CDH4: variants seen among roughly 807,000 people sequenced by gnomAD.
CDH4 encodes the protein cadherin 4, also known as cadherin-4.
A neutral mutation model predicts 86.0 loss-of-function variants in CDH4; 33 were observed. That is an observed-to-expected ratio of 0.38 (90% CI 0.29 to 0.51). The LOEUF (loss-of-function observed/expected upper bound fraction) is 0.51, where lower values mean the gene tolerates loss of function less well. Among genes scored for constraint, CDH4 ranks in the 20% least tolerant of loss-of-function variants. The probability of loss-of-function intolerance (pLI) is 0.86; values close to 1 mark genes in which losing one functional copy is unlikely to be tolerated. For missense variants in CDH4, 1,114 were observed against 1,307.4 expected (o/e 0.85, Z 2.28); for synonymous variants, 555 against 549.4 (o/e 1.01, Z -0.14).
At chr20:61,701,118 T>G (rs1047728641) in intron 2 of CDH4, among the ~76,000 whole-genome samples, 1 of 152,194 alleles carries the variant, frequency 6.6e-6, no homozygotes, top group Non-Finnish European at 1.5e-5. Flanking sequence ...CTCCTCGGCT[T>G]GCAGGTGCCA....
At chr20:61,337,351 A>G (rs1415729591) in intron 2 of CDH4, among the ~76,000 whole-genome samples, 3 of 292 alleles carry the variant, frequency 0.01, no homozygotes, top group South Asian at 0.083. Flanking sequence ...TGATGATAAC[A>G]ATGGTGATGA....
At chr20:61,364,779 G>A (rs967498572) in intron 2 of CDH4, among the ~76,000 whole-genome samples, 1 of 152,196 alleles carries the variant, frequency 6.6e-6, no homozygotes, top group African/African-American at 2.4e-5. Context: ...GCGATGATGA[G>A]GCTGCCTCAG....
In CDH4 at chr20:61,910,524, C is replaced by T; in HGVS notation, c.1291C>T (p.Arg431Cys). Residue 431 changes from arginine (R) to cysteine (C), a missense_variant, in exon 9 of 16, where the codon CGC (arginine) becomes TGC (cysteine). Coordinates refer to ENST00000614565, the MANE Select transcript of CDH4 (RefSeq NM_001794.5). ...CTCTCCAAACTGGAATGCCGTTTAC[C>T]GCATCATCAGTGGGGATCCATCCGG... ...PHSPNWNAVYRIISGDPSGHF... is the reference protein window; with the variant it reads ...PHSPNWNAVYCIISGDPSGHF... The T allele has an allele frequency of 1.9e-6, 3 of 1,613,952 alleles. No individual in the cohort carries two copies. Among genetic ancestry groups the T allele is most frequent in the African/African-American group, 1.3e-5 (1 of 75,034 alleles).
intron 4 of CDH4, among the ~76,000 whole-genome samples, chr20:61,841,754 A>C (rs546332601): frequency 6.6e-6 from 1 of 151,518 alleles, no homozygotes; most frequent in Non-Finnish European, 1.5e-5. Flanking sequence ...TGTGCACAGG[A>C]GTGTGTGTGT....
chr20:61,768,641 C>T (rs1056842029), intron 3 of CDH4, among the ~76,000 whole-genome samples: 3 of 152,140 alleles, frequency 2.0e-5, no homozygotes, highest in African/African-American at 7.2e-5. Flanking sequence ...TGAATGGGCC[C>T]AAGATGACTG....
chr20:61,579,720 G>T (rs542342971), intron 2 of CDH4, among the ~76,000 whole-genome samples: 2 of 152,104 alleles, frequency 1.3e-5, no homozygotes, highest in African/African-American at 4.8e-5. Flanking sequence ...GTAGGCACCC[G>T]ATGAATACTT....
chr20:61,363,338 G>A (rs538745612), intron 2 of CDH4, among the ~76,000 whole-genome samples: 2 of 152,004 alleles, frequency 1.3e-5, no homozygotes, highest in South Asian at 2.1e-4. Context: ...GGGATATAAC[G>A]GCCAGGAAAA....
intron 4 of CDH4, among the ~76,000 whole-genome samples, chr20:61,796,526 G>A (rs780166745): frequency 1.3e-5 from 2 of 152,224 alleles, no homozygotes; most frequent in Non-Finnish European, 2.9e-5. Flanking sequence ...GGTCCTGCTT[G>A]CCATCCTCCC....
At chr20:61,344,280 ACTGGGGTCACACAAGGGGG>A (rs1392669435) in intron 2 of CDH4, among the ~76,000 whole-genome samples, 3 of 152,048 alleles carry the variant, frequency 2.0e-5, no homozygotes, top group Non-Finnish European at 4.4e-5. Context: ...CTTTGCTTCC[ACTGGGGTCACACAAGGGGG>A]CTGTACATGG....
chr20:61,708,120 A>G lies in CDH4; in HGVS notation c.170-35443A>G, dbSNP rs374690078. Among the ~76,000 whole-genome samples the G allele has an allele frequency of 9.1e-4, 138 of 152,260 alleles. 2 individuals are homozygous for G. In the South Asian group the frequency reaches 0.028, roughly 30 times the overall value. ...CGGGCTGTGGCGCGTCTCCCTGGGC[A>G]TAGCCATCACCCAGCACAGCAGTGG... On this transcript the variant is annotated intron_variant, in intron 2 of 15. Transcript: ENST00000614565. This position sits in a 1 kb window ranked among gnomAD's most constrained non-coding sequence, Gnocchi z 4.5.
At position 61,933,032 on chromosome 20, in the gene CDH4, C is replaced by T. The variant is rs745771823; in HGVS notation, c.2287C>T (p.Arg763Cys). 1.6e-5 allele frequency: 26 copies of T among 1,613,304 alleles called. No homozygotes were observed. Among genetic ancestry groups the T allele is most frequent in the South Asian group, 1.1e-4 (10 of 91,092 alleles). The change falls in exon 14 of 16, where the codon CGC becomes TGC. Residue 763 changes from arginine to cysteine, a missense_variant. By Grantham distance (180) the Arg-to-Cys change is radical. This residue lies in a region of CDH4 where 705 missense variants were observed against 914.1 expected (regional missense o/e 0.77). Coordinates refer to ENST00000614565, the MANE Select transcript of CDH4 (RefSeq NM_001794.5). ...GTGGATGAAGCGGCGAGAGAAGGAG[C>T]GCCACACGAAGCAGCTGCTCATTGA... ...VMWMKRREKERHTKQLLIDPE... is the reference protein window; with the variant it reads ...VMWMKRREKECHTKQLLIDPE...
In CDH4 at chr20:61,754,352, G is replaced by T. The variant is rs910573095; in HGVS notation, c.396+10563G>T. Among the ~76,000 whole-genome samples the T allele has an allele frequency of 2.0e-5, 3 of 152,064 alleles. No individual in the cohort carries two copies. The highest frequency in any genetic ancestry group is 4.4e-5 in the Non-Finnish European group (3 of 67,992). Reference sequence around the variant, plus strand: ...TCCCCAGCCAGGGGTCCCGCCCAGGGCTCCAAATACCCCTGAATCCTCTTG... The same window carrying T: ...TCCCCAGCCAGGGGTCCCGCCCAGGTCTCCAAATACCCCTGAATCCTCTTG... On this transcript the variant is annotated intron_variant, in intron 3 of 15. Transcript: ENST00000614565. This position sits in a 1 kb window ranked among gnomAD's most constrained non-coding sequence, Gnocchi z 4.7.
At chr20:61,386,649 G>A (rs992088597) in intron 2 of CDH4, among the ~76,000 whole-genome samples, 1 of 152,228 alleles carries the variant, frequency 6.6e-6, no homozygotes, top group African/African-American at 2.4e-5. Context: ...TTTTATCTCT[G>A]AAATGTGTTA....
intron 7 of CDH4, among the ~76,000 whole-genome samples, chr20:61,878,831 A>C (rs1984154958): frequency 6.6e-6 from 1 of 152,030 alleles, no homozygotes; most frequent in South Asian, 2.1e-4. Flanking sequence ...TTTGCCTCGG[A>C]ATAGAAGTCC....
At chr20:61,931,337 G>C (rs1022585912) in intron 13 of CDH4, among the ~76,000 whole-genome samples, 1 of 152,230 alleles carries the variant, frequency 6.6e-6, no homozygotes, top group African/African-American at 2.4e-5. Flanking sequence ...ATCTGGGCCA[G>C]GTCAGGAAGC....
intron 2 of CDH4, among the ~76,000 whole-genome samples, chr20:61,687,979 AT>A (rs2087606145): frequency 6.6e-6 from 1 of 152,146 alleles, no homozygotes; most frequent in Non-Finnish European, 1.5e-5. Flanking sequence ...ACTAACTTAG[AT>A]ATTATTATGA....
chr20:61,446,465 C>T (rs1158042173), intron 2 of CDH4, among the ~76,000 whole-genome samples: 1 of 152,208 alleles, frequency 6.6e-6, no homozygotes, highest in African/African-American at 2.4e-5. Flanking sequence ...ATTCTATTGG[C>T]ATCACTTGCA....
At chr20:61,540,052 A>G (rs1197200220) in intron 2 of CDH4, among the ~76,000 whole-genome samples, 1 of 152,182 alleles carries the variant, frequency 6.6e-6, no homozygotes, top group Non-Finnish European at 1.5e-5. Context: ...GTTGGTGGTC[A>G]GGTGTAGACC....
chr20:61,853,336 T>G (rs549964282), intron 6 of CDH4, among the ~76,000 whole-genome samples: 1 of 151,862 alleles, frequency 6.6e-6, no homozygotes, highest in African/African-American at 2.4e-5. Context: ...GGCAACGAAG[T>G]CAGAGGGCTG....
Sources: gnomAD v4.1 joint callset for allele counts (sites outside exome capture counted in the v4.1 genomes callset) on GRCh38, gnomAD v4.1.1 for gene constraint, gnomAD v4.1.1 regional missense constraint, Gnocchi (gnomAD v3.1) non-coding constraint, MANE v1.5 for transcripts, NCBI Gene and HGNC (gene_info 2026-07-23, HGNC 2026-07-21) for gene names.